PLCL1: variants seen among roughly 807,000 people sequenced by gnomAD.
The protein encoded by PLCL1 is phospholipase C like 1 (inactive).
A neutral mutation model predicts 84.4 loss-of-function variants in PLCL1; 41 were observed. The observed-to-expected ratio is 0.49, with a 90% CI of 0.38 to 0.63. The LOEUF is 0.63. Among genes scored for constraint, PLCL1 ranks in the 30% least tolerant of loss-of-function variants. The pLI, the probability that PLCL1 is intolerant of heterozygous loss-of-function variation, is 0.00. For synonymous variants in PLCL1, 490 were observed against 488.3 expected (o/e 1.00, Z -0.05); for missense variants, 1,206 against 1,367.8 (o/e 0.88, Z 1.87).
At chr2:197,837,222 A>G (rs1432122790) in intron 1 of PLCL1, among the ~76,000 whole-genome samples, 1 of 152,220 alleles carries the variant, frequency 6.6e-6, no homozygotes, top group Non-Finnish European at 1.5e-5. Flanking sequence ...CCTAATTTAA[A>G]TGAGACTCTG....
At chr2:197,946,969 A>G (rs1304878652) in intron 1 of PLCL1, among the ~76,000 whole-genome samples, 2 of 152,112 alleles carry the variant, frequency 1.3e-5, no homozygotes, top group African/African-American at 4.8e-5. Context: ...GGAGAACAAA[A>G]TAAAGCAAAT....
chr2:198,086,381 G>A (rs1157241167), intron 2 of PLCL1, 149 bp downstream of exon 2: 2 of 622,728 alleles, frequency 3.2e-6, no homozygotes, highest in Non-Finnish European at 5.5e-6. Flanking sequence ...AGCACTTTGG[G>A]AGGCTGAGGC....
At chr2:198,130,902 T>C (rs1694103857) in intron 5 of PLCL1, among the ~76,000 whole-genome samples, 1 of 152,156 alleles carries the variant, frequency 6.6e-6, no homozygotes, top group African/African-American at 2.4e-5. Context: ...GCTGGAGTGA[T>C]CTTTTTGAAT....
At chr2:197,862,473 G>T (rs1360583731) in intron 1 of PLCL1, among the ~76,000 whole-genome samples, 2 of 152,120 alleles carry the variant, frequency 1.3e-5, no homozygotes, top group African/African-American at 4.8e-5. Flanking sequence ...GACAGAAAAT[G>T]TAAAATGGGA....
chr2:197,990,373 A>C (rs927607695), intron 1 of PLCL1, among the ~76,000 whole-genome samples: 1 of 152,198 alleles, frequency 6.6e-6, no homozygotes, highest in Non-Finnish European at 1.5e-5. Context: ...CTCAGGACAA[A>C]AGGAAAGCTA....
At chr2:197,900,462 T>C (rs891554528) in intron 1 of PLCL1, among the ~76,000 whole-genome samples, 7 of 152,310 alleles carry the variant, frequency 4.6e-5, no homozygotes, top group Admixed American at 2.6e-4. Flanking sequence ...CAGAATTTAA[T>C]GTTGTATATT....
intron 1 of PLCL1, among the ~76,000 whole-genome samples, chr2:197,919,538 G>A (rs984050859): frequency 6.6e-6 from 1 of 152,164 alleles, no homozygotes; most frequent in African/African-American, 2.4e-5. Flanking sequence ...CTTTATAGTT[G>A]TCATTAGTTC....
intron 1 of PLCL1, among the ~76,000 whole-genome samples, chr2:197,811,317 T>C (rs1429008083): frequency 6.6e-6 from 1 of 152,242 alleles, no homozygotes; most frequent in Non-Finnish European, 1.5e-5. Flanking sequence ...AATCATAGTA[T>C]GACGAAGTAT....
At position 197,983,200 on chromosome 2, in the gene PLCL1, C is replaced by CTTTTTTTTTTTTTTTTT. The variant is rs760577848; in HGVS notation, c.241-100535_241-100519dup. Among the ~76,000 whole-genome samples, 56 of 60,286 alleles carry CTTTTTTTTTTTTTTTTT rather than the reference C, an allele frequency of 9.3e-4. 8 individuals are homozygous for CTTTTTTTTTTTTTTTTT. Among genetic ancestry groups the CTTTTTTTTTTTTTTTTT allele is most frequent in the East Asian group, 2.7e-3 (5 of 1,878 alleles). The allele number at this position is 60,286 out of a possible 152,430, so 39.5% of individuals were successfully genotyped here. On this transcript the variant is annotated intron_variant, in intron 1 of 5. Coordinates refer to ENST00000428675, the MANE Select transcript of PLCL1 (RefSeq NM_006226.4). ...TTTCTTTTTCTTTTTCTTTTCTTTT[C>CTTTTTTTTTTTTTTTTT]TTTTTTTTTTTTTTTTTTTTTTTTT...
chr2:198,047,120 A>G (rs1475342122), intron 1 of PLCL1, among the ~76,000 whole-genome samples: 2 of 151,948 alleles, frequency 1.3e-5, no homozygotes, highest in African/African-American at 2.4e-5. Context: ...AGGATGATGT[A>G]CTAGGCTTGC....
At chr2:198,066,400 A>G (rs577868561) in intron 1 of PLCL1, among the ~76,000 whole-genome samples, 13 of 152,190 alleles carry the variant, frequency 8.5e-5, no homozygotes, top group African/African-American at 2.4e-4. Context: ...CAGTTGCCCA[A>G]ACCAGAGATC....
intron 1 of PLCL1, among the ~76,000 whole-genome samples, chr2:197,807,875 GT>G (rs1217044737): frequency 6.6e-6 from 1 of 152,152 alleles, no homozygotes; most frequent in African/African-American, 2.4e-5. Context: ...TTAAGGTATT[GT>G]TTCAGAATAG....
chr2:198,032,822 T>A (rs1312271590), intron 1 of PLCL1, among the ~76,000 whole-genome samples: 9 of 152,184 alleles, frequency 5.9e-5, no homozygotes, highest in Non-Finnish European at 1.2e-4. Flanking sequence ...TCTTAATTAT[T>A]ATTATCTGGA....
At chr2:198,073,684 A>G (rs1255294308) in intron 1 of PLCL1, among the ~76,000 whole-genome samples, 1 of 152,232 alleles carries the variant, frequency 6.6e-6, no homozygotes, top group African/African-American at 2.4e-5. Context: ...TGGAAAACTC[A>G]GAGATTGCTT....
At chr2:197,901,543 G>A (rs781409591) in intron 1 of PLCL1, among the ~76,000 whole-genome samples, 63 of 152,280 alleles carry the variant, frequency 4.1e-4, no homozygotes, top group Admixed American at 2.0e-3. Flanking sequence ...TATGGGTCAC[G>A]TTCAGGCAAC....
At chr2:197,875,423 A>G (rs1407713903) in intron 1 of PLCL1, among the ~76,000 whole-genome samples, 1 of 152,154 alleles carries the variant, frequency 6.6e-6, no homozygotes, top group Non-Finnish European at 1.5e-5. Flanking sequence ...AAGGAGGAAG[A>G]GGGTAGTGAT....
At chr2:198,047,305 TC>T (rs1691829958) in intron 1 of PLCL1, among the ~76,000 whole-genome samples, 1 of 152,134 alleles carries the variant, frequency 6.6e-6, no homozygotes, top group Non-Finnish European at 1.5e-5. Flanking sequence ...CGCCTCAGCC[TC>T]CCAAGTAGCT....
chr2:198,075,153 G>A (rs577977423), intron 1 of PLCL1, among the ~76,000 whole-genome samples: 4 of 152,152 alleles, frequency 2.6e-5, no homozygotes, highest in Non-Finnish European at 4.4e-5. Context: ...CATAAGCTCC[G>A]CCAGGATTCC....
intron 1 of PLCL1, among the ~76,000 whole-genome samples, chr2:197,936,222 G>A (rs1241453186): frequency 6.6e-6 from 1 of 150,622 alleles, no homozygotes; most frequent in Non-Finnish European, 1.5e-5. Flanking sequence ...GTGCTGCAGT[G>A]CATGGAGTGC....
Sources: gnomAD v4.1 joint callset for allele counts (sites outside exome capture counted in the v4.1 genomes callset) on GRCh38, gnomAD v4.1.1 for gene constraint, MANE v1.5 for transcripts, NCBI Gene and HGNC (gene_info 2026-07-23, HGNC 2026-07-21) for gene names.